CDH12: variants seen among roughly 807,000 people sequenced by gnomAD.
The protein encoded by CDH12 is cadherin-12.
In CDH12, 41 loss-of-function variants were observed where a neutral mutation model predicts 74.1. That is an observed-to-expected ratio of 0.55 (90% confidence interval 0.43 to 0.72). CDH12 has a LOEUF of 0.72. Ranked by LOEUF, CDH12 falls within the 30% of genes least tolerant of loss-of-function variation. The probability of loss-of-function intolerance (pLI) is 0.00; values close to 1 mark genes in which losing one functional copy is unlikely to be tolerated. For missense variants in CDH12, 945 were observed against 977.2 expected (o/e 0.97, Z 0.44); for synonymous variants, 399 against 355.0 (o/e 1.12, Z -1.39).
intron 4 of CDH12, among the ~76,000 whole-genome samples, chr5:22,131,022 C>G (rs1453449905): frequency 6.6e-6 from 1 of 151,986 alleles, no homozygotes; most frequent in African/African-American, 2.4e-5. Flanking sequence ...TGGTCAGCTC[C>G]TTATTATTGC....
intron 1 of CDH12, among the ~76,000 whole-genome samples, chr5:22,700,302 TTC>T (rs1742648127): frequency 6.6e-6 from 1 of 152,190 alleles, no homozygotes; most frequent in Admixed American, 6.5e-5. Context: ...TGGACAAATG[TTC>T]TGTGTTGAAT....
At chr5:22,069,746 C>T (rs573646137) in intron 5 of CDH12, among the ~76,000 whole-genome samples, 1 of 152,250 alleles carries the variant, frequency 6.6e-6, no homozygotes, top group South Asian at 2.1e-4. Context: ...TGGATTGACA[C>T]CCCACAATGG....
intron 1 of CDH12, among the ~76,000 whole-genome samples, chr5:22,753,805 T>C (rs1174559499): frequency 2.0e-5 from 3 of 152,010 alleles, no homozygotes; most frequent in African/African-American, 4.8e-5. Context: ...AATTTTAACA[T>C]TGAGAAACAT....
At chr5:22,247,672 C>CA (rs11455543) in intron 3 of CDH12, among the ~76,000 whole-genome samples, 147,759 of 151,140 alleles carry the variant, frequency 0.98, 72,282 homozygotes, top group Non-Finnish European at 1. Flanking sequence ...GAGACTCCGT[C>CA]AAAAAAAAAG....
chr5:22,287,596 G>A (rs993108480), intron 3 of CDH12, among the ~76,000 whole-genome samples: 15 of 151,548 alleles, frequency 9.9e-5, no homozygotes, highest in African/African-American at 2.2e-4. Context: ...GGTGGCGGGC[G>A]CCTGTAGTCC....
chr5:21,867,491 C>T (rs953555774), intron 6 of CDH12, among the ~76,000 whole-genome samples: 3 of 152,208 alleles, frequency 2.0e-5, no homozygotes, highest in Non-Finnish European at 4.4e-5. Context: ...ACCATGGGAA[C>T]CCACTTCTTG....
At chr5:22,221,009 G>C (rs5002966) in intron 3 of CDH12, among the ~76,000 whole-genome samples, 66,526 of 149,076 alleles carry the variant, frequency 0.45, 15,820 homozygotes, top group Non-Finnish European at 0.54. Context: ...CACACACACA[G>C]ACACACACAG....
intron 2 of CDH12, among the ~76,000 whole-genome samples, chr5:22,501,793 T>C (rs777522930): frequency 9.9e-5 from 15 of 150,766 alleles, no homozygotes; most frequent in Non-Finnish European, 1.6e-4. Flanking sequence ...TTTTGAACCC[T>C]ATTGTCAACT....
intron 6 of CDH12, among the ~76,000 whole-genome samples, chr5:21,927,410 C>A (rs757759800): frequency 7.6e-6 from 1 of 131,462 alleles, no homozygotes; most frequent in Non-Finnish European, 1.6e-5. Context: ...ATGGTAAAAC[C>A]CTGTCTCTAC....
At chr5:21,939,709 A>AC (rs1324378103) in intron 6 of CDH12, among the ~76,000 whole-genome samples, 1 of 152,182 alleles carries the variant, frequency 6.6e-6, no homozygotes, top group Non-Finnish European at 1.5e-5. Context: ...ATGAAAAGAG[A>AC]CTAAAATATG....
intron 7 of CDH12, among the ~76,000 whole-genome samples, chr5:21,849,484 T>C (rs1750351160): frequency 1.3e-5 from 2 of 151,784 alleles, no homozygotes; most frequent in Admixed American, 1.3e-4. Flanking sequence ...TGCTGTTTTA[T>C]CTTAATAATT....
chr5:22,128,151 T>C (rs1232896592), intron 4 of CDH12, among the ~76,000 whole-genome samples: 2 of 152,138 alleles, frequency 1.3e-5, no homozygotes, highest in East Asian at 1.9e-4. Context: ...CACTCTTGAG[T>C]TGGATTGATG....
chr5:22,100,782 C>T lies in CDH12; in HGVS notation c.-186-21920G>A, dbSNP rs572753153. On this transcript the variant is annotated intron_variant, in intron 4 of 14. Transcript: ENST00000382254. ...TTACACTATTGATTTGTTAAAATCA[C>T]CCTGCATGTTGTGGTCCTCCTGAAT... Among the ~76,000 whole-genome samples, 5 of 151,990 alleles carry T rather than the reference C, an allele frequency of 3.3e-5. No individual in the cohort carries two copies. In the South Asian group the frequency reaches 8.3e-4, roughly 25 times the overall value.
intron 1 of CDH12, among the ~76,000 whole-genome samples, chr5:22,724,540 C>T (rs902094116): frequency 4.0e-5 from 6 of 151,896 alleles, no homozygotes; most frequent in Non-Finnish European, 8.8e-5. Context: ...AGCTCCATTT[C>T]AGTTGCTGCA....
At chr5:22,351,315 GC>G (rs1298011650) in intron 3 of CDH12, among the ~76,000 whole-genome samples, 1 of 152,184 alleles carries the variant, frequency 6.6e-6, no homozygotes, top group Non-Finnish European at 1.5e-5. Context: ...TTGAAGTCAT[GC>G]TTTGGGCAGT....
At chr5:21,801,528 A>G (rs1026806928) in intron 10 of CDH12, among the ~76,000 whole-genome samples, 1 of 152,198 alleles carries the variant, frequency 6.6e-6, no homozygotes, top group Non-Finnish European at 1.5e-5. Context: ...TCTTGATAGT[A>G]CTAGTGGACT....
intron 5 of CDH12, among the ~76,000 whole-genome samples, chr5:21,990,745 C>T (rs1219975795): frequency 6.6e-6 from 1 of 150,828 alleles, no homozygotes; most frequent in Non-Finnish European, 1.5e-5. Context: ...TGATTACAAT[C>T]CTTCTATTAG....
At chr5:21,932,534 A>T (rs1412844664) in intron 6 of CDH12, among the ~76,000 whole-genome samples, 1 of 152,180 alleles carries the variant, frequency 6.6e-6, no homozygotes, top group Non-Finnish European at 1.5e-5. Context: ...GGTTTCTATT[A>T]ATTTGTTTTC....
intron 1 of CDH12, among the ~76,000 whole-genome samples, chr5:22,724,596 G>T (rs1744067620): frequency 6.6e-6 from 1 of 151,774 alleles, no homozygotes; most frequent in African/African-American, 2.4e-5. Flanking sequence ...GTATTCCATG[G>T]TGTATATATA....
Sources: gnomAD v4.1 joint callset for allele counts (sites outside exome capture counted in the v4.1 genomes callset) on GRCh38, gnomAD v4.1.1 for gene constraint, MANE v1.5 for transcripts, NCBI Gene and HGNC (gene_info 2026-07-23, HGNC 2026-07-21) for gene names.